The following RECQL variants were observed in gnomAD, a reference collection of about 807,000 sequenced individuals.
RECQL encodes ATP-dependent DNA helicase Q1.
Under a neutral mutation model 75.8 loss-of-function variants are expected in RECQL, and 73 were observed. The ratio of observed to expected loss-of-function variants is 0.96; its 90% confidence interval spans 0.80 to 1.17. RECQL has a LOEUF of 1.17. Among genes scored for constraint, RECQL ranks in the 50% most tolerant of loss-of-function variants. The pLI, the probability that RECQL is intolerant of heterozygous loss-of-function variation, is 0.00. For missense variants in RECQL, 699 were observed against 772.1 expected, an observed-to-expected ratio of 0.91 and a Z score of 1.12; for synonymous variants, 248 against 254.4, an observed-to-expected ratio of 0.97 and a Z score of 0.24.
intron 1 of RECQL, among the ~76,000 whole-genome samples, chr12:21,500,319 T>C (rs1314465479): frequency 6.6e-6 from 1 of 152,156 alleles, no homozygotes; most frequent in Non-Finnish European, 1.5e-5. Flanking sequence ...TAAGCATGCA[T>C]ATGGACAAGT....
intron 6 of RECQL, among the ~76,000 whole-genome samples, chr12:21,482,602 G>T (rs56288760): frequency 0.017 from 2,575 of 152,260 alleles, 85 homozygotes; most frequent in African/African-American, 0.059. Flanking sequence ...CTGGCAGAAT[G>T]GCCAGGCAGT....
rs138424869 is a variant in RECQL at position 21,491,615 on chromosome 12, T to C, written c.118A>G (p.Lys40Glu). 9 of 1,614,002 alleles carry C rather than the reference T, an allele frequency of 5.6e-6. No individual in the cohort carries two copies. In the African/African-American group the frequency reaches 9.3e-5, roughly 17 times the overall value. ...TGCTTTATTTTCTTTGTCAGGACTT[T>C]TTTTTTCTGAATAAGCTCTTGTTGC... is the stretch of plus-strand genomic sequence containing the variant. The part of the protein sequence containing the change: ...ERQQELIQKK[K>E]VLTKKIKQCL... The change falls in exon 3 of 15, where the codon AAA becomes GAA. Residue 40 changes from lysine to glutamate, a missense_variant. Coordinates refer to ENST00000444129, the MANE Select transcript of RECQL (RefSeq NM_002907.4).
At chr12:21,493,248 CTA>C (rs1185109104) in intron 2 of RECQL, among the ~76,000 whole-genome samples, 2 of 152,198 alleles carry the variant, frequency 1.3e-5, no homozygotes, top group South Asian at 2.1e-4. Context: ...CATAACTATT[CTA>C]TGTCATCATG....
At position 21,482,268 on chromosome 12, in the gene RECQL, A is replaced by G. The variant is rs899821092; in HGVS notation, c.700+1108T>C. Reference sequence around the variant, plus strand: ...GTGGTCTTTTCTGCCTTAACAAAAGAAAAAAAAAAAAGATTACTAATGTTT... The same window carrying G: ...GTGGTCTTTTCTGCCTTAACAAAAGGAAAAAAAAAAAGATTACTAATGTTT... On this transcript the variant is annotated intron_variant, in intron 6 of 14. Coordinates refer to ENST00000444129, the MANE Select transcript of RECQL (RefSeq NM_002907.4). Among the ~76,000 whole-genome samples the G allele has an allele frequency of 2.7e-3, 20 of 7,316 alleles. No homozygotes were observed. The East Asian group carries it at 0.41, about 151-fold the overall frequency. 4.8% of individuals were successfully genotyped at this position (7,316 alleles called of 152,430 possible).
intron 2 of RECQL, among the ~76,000 whole-genome samples, chr12:21,499,302 G>A (rs1943562109): frequency 6.6e-6 from 1 of 152,172 alleles, no homozygotes; most frequent in South Asian, 2.1e-4. Context: ...TAGAATTTTA[G>A]TCTGGATAGA....
intron 2 of RECQL, among the ~76,000 whole-genome samples, chr12:21,498,900 G>C (rs960771557): frequency 6.6e-6 from 1 of 152,164 alleles, no homozygotes; most frequent in African/African-American, 2.4e-5. Context: ...ATAGCTATAA[G>C]TCTTTCTTGC....
intron 5 of RECQL, among the ~76,000 whole-genome samples, 168 bp downstream of exon 5, chr12:21,486,311 G>A (rs1306890163): frequency 6.6e-6 from 1 of 151,838 alleles, no homozygotes; most frequent in Non-Finnish European, 1.5e-5. Flanking sequence ...CTTAACTCAT[G>A]GGACATACAA....
At position 21,477,878 on chromosome 12, in the gene RECQL, A is replaced by T. The variant is rs1050592994; in HGVS notation, c.792T>A (p.Asp264Glu). 1 of 1,614,076 alleles carries T rather than the reference A, an allele frequency of 6.2e-7. No individual in the cohort carries two copies. The highest frequency in any genetic ancestry group is 1.7e-5 in the Admixed American group (1 of 60,018). The change falls in exon 7 of 15, where the codon GAT (aspartate) becomes GAA (glutamate). Residue 264 changes from aspartate to glutamate, a missense_variant. This residue lies in a region of RECQL where 669 missense variants were observed against 713.5 expected (regional missense o/e 0.94). Coordinates refer to ENST00000444129, the MANE Select transcript of RECQL (RefSeq NM_002907.4). ...TTTCAATGCACAAAATTTTCTGAGCATCCGTCAAAACGTGATTTGTTGCAG... is the reference window on the plus strand; with the variant it reads ...TTTCAATGCACAAAATTTTCTGAGCTTCCGTCAAAACGTGATTTGTTGCAG... ...TATATNHVLT[D>E]AQKILCIEKC...
At chr12:21,500,018 T>C (rs192079836) in intron 1 of RECQL, among the ~76,000 whole-genome samples, 2 of 152,300 alleles carry the variant, frequency 1.3e-5, no homozygotes, top group Non-Finnish European at 2.9e-5. Context: ...CAAAGTTGCA[T>C]ATGCTGTTCC....
At position 21,499,557 on chromosome 12, in the gene RECQL, G is replaced by A; in HGVS notation, c.14C>T (p.Ser5Leu). The stretch of plus-strand genomic sequence containing the variant: ...AAAATGTAATCATTGCTACTAACCT[G>A]AAACGGACGCCATTCTTTTTCTTTC... MASV[S>L]ALTEELDSIT... The change falls in exon 2 of 15, where the codon TCA becomes TTA. Residue 5 changes from serine (S) to leucine (L), a missense_variant and splice_region_variant. Physicochemically the swap from Ser to Leu is moderately radical, Grantham distance 145. Around this residue, in one of 2 missense-constraint regions of RECQL, gnomAD observed 669 missense variants for 713.5 expected, o/e 0.94. Transcript: ENST00000444129. 6.3e-7 allele frequency: 1 copy of A among 1,593,560 alleles called. No homozygotes were observed. Among genetic ancestry groups the A allele is most frequent in the Admixed American group, 1.8e-5 (1 of 56,118 alleles).
At position 21,490,491 on chromosome 12, in the gene RECQL, A is replaced by C. The variant is rs1943389809; in HGVS notation, c.215-113T>G. 4.7e-6 allele frequency: 3 copies of C among 637,030 alleles called. No individual in the cohort carries two copies. The East Asian group carries it at 8.3e-5, about 18-fold the overall frequency. 39.5% of individuals were successfully genotyped at this position (637,030 alleles called of 1,614,324 possible). On this transcript the variant is annotated intron_variant, in intron 3 of 14. Coordinates refer to ENST00000444129, the MANE Select transcript of RECQL (RefSeq NM_002907.4). Reference sequence around the variant, plus strand: ...AATACTTATAGACCATTAAACTTTTATGATAATAGTTTTGAGATTAACTCA... The same window carrying C: ...AATACTTATAGACCATTAAACTTTTCTGATAATAGTTTTGAGATTAACTCA...
At chr12:21,495,921 C>T (rs1455207541) in intron 2 of RECQL, among the ~76,000 whole-genome samples, 3 of 152,164 alleles carry the variant, frequency 2.0e-5, no homozygotes, top group South Asian at 2.1e-4. Flanking sequence ...GTTATTTCCT[C>T]AGTTTCAGAA....
chr12:21,492,283 G>C (rs1429452247), intron 2 of RECQL, among the ~76,000 whole-genome samples: 1 of 152,118 alleles, frequency 6.6e-6, no homozygotes, highest in East Asian at 1.9e-4. Context: ...ATTGGAATTG[G>C]CATTTTATCT....
At chr12:21,496,263 A>G (rs1380272577) in intron 2 of RECQL, among the ~76,000 whole-genome samples, 1 of 152,236 alleles carries the variant, frequency 6.6e-6, no homozygotes, top group Admixed American at 6.5e-5. Context: ...AACAGCAGCC[A>G]TGGTTCCAGC....
At position 21,471,056 on chromosome 12, in the gene RECQL, C is replaced by T. The variant is rs374038779; in HGVS notation, c.1710G>A (p.Leu570=). 1.2e-6 allele frequency: 2 copies of T among 1,601,912 alleles called. No homozygotes were observed. Among genetic ancestry groups the T allele is most frequent in the South Asian group, 2.2e-5 (2 of 89,260 alleles). Residue 570 remains leucine (L), a synonymous_variant, in exon 14 of 15, where the codon TTG becomes TTA. Transcript: ENST00000444129. ...GAAGATTAGCTTTAGGTCCTATTTTCAAATACGAAATGGTAGCATAAGCTG... is the reference window on the plus strand; with the variant it reads ...GAAGATTAGCTTTAGGTCCTATTTTTAAATACGAAATGGTAGCATAAGCTG... ...SFTAYATISY[L]KIGPKANLLN...
intron 6 of RECQL, among the ~76,000 whole-genome samples, 171 bp from the exon 7 acceptor site, chr12:21,478,140 C>T (rs753961446): frequency 6.6e-6 from 1 of 151,936 alleles, no homozygotes; most frequent in Non-Finnish European, 1.5e-5. Flanking sequence ...GGCTTTATTA[C>T]GTTTATTTCA....
intron 6 of RECQL, among the ~76,000 whole-genome samples, chr12:21,480,240 T>C (rs980823366): frequency 6.6e-6 from 1 of 152,186 alleles, no homozygotes; most frequent in African/African-American, 2.4e-5. Flanking sequence ...ACACAGTAGC[T>C]ACTGGGTAGT....
chr12:21,495,639 G>A (rs1943493535), intron 2 of RECQL, among the ~76,000 whole-genome samples: 1 of 152,032 alleles, frequency 6.6e-6, no homozygotes, highest in South Asian at 2.1e-4. Flanking sequence ...AGAAACTACT[G>A]GACATTAGCT....
chr12:21,476,379 T>C (rs1029931), intron 8 of RECQL, among the ~76,000 whole-genome samples: 35,654 of 151,906 alleles, frequency 0.23, 4,367 homozygotes, highest in East Asian at 0.31. Context: ...TGAAAATCTA[T>C]AGAACAGTTT....
Sources: gnomAD v4.1 joint callset for allele counts (sites outside exome capture counted in the v4.1 genomes callset) on GRCh38, gnomAD v4.1.1 for gene constraint, gnomAD v4.1.1 regional missense constraint, MANE v1.5 for transcripts, NCBI Gene and HGNC (gene_info 2026-07-23, HGNC 2026-07-21) for gene names.